DHRS3: variants seen among roughly 807,000 people sequenced by gnomAD.
DHRS3 encodes the protein dehydrogenase/reductase 3.
In DHRS3, 14 loss-of-function variants were observed where a neutral mutation model predicts 27.2. The observed-to-expected ratio is 0.52, with a 90% confidence interval of 0.34 to 0.81. DHRS3 has a LOEUF of 0.81. Among genes scored for constraint, DHRS3 ranks in the 30% least tolerant of loss-of-function variants. DHRS3 has a pLI of 0.01. For missense variants in DHRS3, 322 were observed against 406.2 expected, an observed-to-expected ratio of 0.79 and a Z score of 1.78; for synonymous variants, 165 against 175.9, an observed-to-expected ratio of 0.94 and a Z score of 0.49.
rs1646887228 is a variant in DHRS3, at chr1:12,608,693, C to T, written c.195+8461G>A. On this transcript the variant is annotated intron_variant, in intron 1 of 5. Coordinates refer to ENST00000616661, the MANE Select transcript of DHRS3 (RefSeq NM_004753.7). The surrounding 1 kb of genome is among the most constrained non-coding windows in gnomAD (Gnocchi z 4.1). The stretch of plus-strand genomic sequence containing the variant: ...TCCCCCAGTGCAGAAATCTCGACAC[C>T]ATGTTTGCTTAAAGAGCAACCTGTT... 6.6e-6 allele frequency among the ~76,000 whole-genome samples: 1 copy of T among 152,106 alleles called. No homozygotes were observed. Among genetic ancestry groups the T allele is most frequent in the African/African-American group, 2.4e-5 (1 of 41,422 alleles).
At chr1:12,568,959 A>C (rs2100634540) in intron 5 of DHRS3, among the ~76,000 whole-genome samples, 1 of 152,154 alleles carries the variant, frequency 6.6e-6, no homozygotes, top group Admixed American at 6.5e-5. Context: ...GTGGTGGCTC[A>C]TGCCTGTAAT....
chr1:12,612,066 AAGG>A (rs1467628673), intron 1 of DHRS3, among the ~76,000 whole-genome samples: 2 of 152,162 alleles, frequency 1.3e-5, no homozygotes, highest in African/African-American at 2.4e-5. Context: ...GGGGAGTAAG[AAGG>A]AGATGTTTGT....
chr1:12,586,891 CACTA>C lies in DHRS3; in HGVS notation c.196-6229_196-6226del, dbSNP rs1329911416. Among the ~76,000 whole-genome samples the C allele has an allele frequency of 3.0e-4, 45 of 152,248 alleles. No homozygotes were observed. The highest frequency in any genetic ancestry group is 4.9e-4 in the Non-Finnish European group (33 of 68,026). ...GATTAAGCTGGCAGAAGCTGGCACC[CACTA>C]ACTAACTGCTCAGTACCCACTCCCT... On this transcript the variant is annotated intron_variant, in intron 1 of 5. Coordinates refer to ENST00000616661, the MANE Select transcript of DHRS3 (RefSeq NM_004753.7). This position sits in a 1 kb window ranked among gnomAD's most constrained non-coding sequence, Gnocchi z 5.0.
chr1:12,570,286 G>A (rs1646524635), intron 5 of DHRS3, among the ~76,000 whole-genome samples: 1 of 152,246 alleles, frequency 6.6e-6, no homozygotes, highest in Non-Finnish European at 1.5e-5. Context: ...AAGCCCTGGT[G>A]TAGTCCCCAC....
chr1:12,575,930 C>T (rs1458666775), intron 4 of DHRS3, among the ~76,000 whole-genome samples: 1 of 152,116 alleles, frequency 6.6e-6, no homozygotes, highest in African/African-American at 2.4e-5. Flanking sequence ...TGGTCTTGAA[C>T]TCCTGACCTC....
At chr1:12,569,624 G>A (rs570623719) in intron 5 of DHRS3, among the ~76,000 whole-genome samples, 19 of 152,228 alleles carry the variant, frequency 1.2e-4, no homozygotes, top group Non-Finnish European at 2.5e-4. Context: ...GGAGTGCAGT[G>A]GTGCGATCTG....
At chr1:12,581,423 A>C (rs1646642822) in intron 1 of DHRS3, among the ~76,000 whole-genome samples, 1 of 152,186 alleles carries the variant, frequency 6.6e-6, no homozygotes, top group Non-Finnish European at 1.5e-5. Context: ...TCCAGCCTCA[A>C]GGTTCACAGG....
intron 1 of DHRS3, among the ~76,000 whole-genome samples, chr1:12,610,303 G>A (rs1398498295): frequency 6.6e-6 from 1 of 151,234 alleles, no homozygotes; most frequent in Non-Finnish European, 1.5e-5. Flanking sequence ...GTTGGGTCAA[G>A]CTGGTCTTGA....
rs1646500805 is a variant in DHRS3, at chr1:12,568,160, A to T, written c.*180T>A. 2 of 578,522 alleles carry T rather than the reference A, an allele frequency of 3.5e-6. No individual in the cohort carries two copies. The highest frequency in any genetic ancestry group is 3.1e-6 in the Non-Finnish European group (1 of 321,146). 35.8% of individuals were successfully genotyped at this position (578,522 alleles called of 1,614,324 possible). A position where few individuals can be genotyped will look rare whatever the true frequency, so the allele number is the denominator to read the frequency against. On this transcript the variant is annotated 3_prime_UTR_variant, in exon 6 of 6. Coordinates refer to ENST00000616661, the MANE Select transcript of DHRS3 (RefSeq NM_004753.7). ...CTGCCTCCCTGTGGGGGTCAGTTAT[A>T]CCCATCAGTCCTGTGCAAAGGTCCT...
chr1:12,569,239 A>T (rs1437725349), intron 5 of DHRS3, among the ~76,000 whole-genome samples: 36 of 144,252 alleles, frequency 2.5e-4, no homozygotes, highest in African/African-American at 8.2e-4. Context: ...TCTCACACAC[A>T]CACACACACA....
At chr1:12,607,548 T>C (rs1312543259) in intron 1 of DHRS3, among the ~76,000 whole-genome samples, 3 of 152,204 alleles carry the variant, frequency 2.0e-5, no homozygotes, top group Non-Finnish European at 4.4e-5. Flanking sequence ...TCTGCCATGA[T>C]GGTAAGTTTC....
At chr1:12,607,220 A>G (rs1332798627) in intron 1 of DHRS3, among the ~76,000 whole-genome samples, 1 of 152,142 alleles carries the variant, frequency 6.6e-6, no homozygotes, top group Non-Finnish European at 1.5e-5. Context: ...TTAGGCATCC[A>G]CTTTACAGTC....
rs892467585 is a variant in DHRS3, at chr1:12,591,676, C to T, written c.196-11010G>A. Among the ~76,000 whole-genome samples, 6 of 152,344 alleles carry T rather than the reference C, an allele frequency of 3.9e-5. No homozygotes were observed. The highest frequency in any genetic ancestry group is 1.3e-4 in the Admixed American group (2 of 15,308). ...CTGTCAGCTCAGAAGGGCTCATACC[C>T]GAGAAAACTGATACACGAAGGGGCT... On this transcript the variant is annotated intron_variant, in intron 1 of 5. Coordinates refer to ENST00000616661, the MANE Select transcript of DHRS3 (RefSeq NM_004753.7). The surrounding 1 kb of genome is among the most constrained non-coding windows in gnomAD (Gnocchi z 4.1).
rs113026130 is a variant in DHRS3, at chr1:12,610,244, ATT to A, written c.195+6908_195+6909del. Among the ~76,000 whole-genome samples, 773 of 142,482 alleles carry A rather than the reference ATT, an allele frequency of 5.4e-3. 4 individuals carry two copies. Among genetic ancestry groups the A allele is most frequent in the Non-Finnish European group, 7.2e-3 (473 of 65,480 alleles). 93.5% of individuals were successfully genotyped at this position (142,482 alleles called of 152,430 possible). On this transcript the variant is annotated intron_variant, in intron 1 of 5. Transcript: ENST00000616661. ...TAAGTGCGCTCTACCATGCCCAGCA[ATT>A]TTTTTTTTTTTTTTGTATTATTAGT...
intron 1 of DHRS3, among the ~76,000 whole-genome samples, chr1:12,585,954 T>C (rs1013378455): frequency 5.3e-5 from 8 of 152,216 alleles, no homozygotes; most frequent in African/African-American, 1.9e-4. Context: ...AATTTACTCT[T>C]AAGCAGGGTT....
In DHRS3 at chr1:12,617,408, T is replaced by TA; in HGVS notation, c.-61dup. 6.6e-7 allele frequency: 1 copy of TA among 1,512,674 alleles called. No homozygotes were observed. The highest frequency in any genetic ancestry group is 1.8e-4 in the Middle Eastern group (1 of 5,640). 93.7% of individuals were successfully genotyped at this position (1,512,674 alleles called of 1,614,324 possible). The stretch of plus-strand genomic sequence containing the variant: ...TCCCCGGGCCGAGCAATACAGGAAT[T>TA]AAAAAACACCCCGAACAATAAATAG... On this transcript the variant is annotated 5_prime_UTR_variant, in exon 1 of 6. Transcript: ENST00000616661.
rs570202042 is a variant in DHRS3 at position 12,593,506 on chromosome 1, C to T, written c.196-12840G>A. ...GGAGTGAGGTACCACACCTGGCCAC[C>T]TTCTCACAGGTTCTGCTCAAGTGTC... On this transcript the variant is annotated intron_variant, in intron 1 of 5. Coordinates refer to ENST00000616661, the MANE Select transcript of DHRS3 (RefSeq NM_004753.7). This position sits in a 1 kb window ranked among gnomAD's most constrained non-coding sequence, Gnocchi z 4.6. Among the ~76,000 whole-genome samples the T allele has an allele frequency of 6.6e-6, 1 of 152,126 alleles. No homozygotes were observed. The highest frequency in any genetic ancestry group is 1.5e-5 in the Non-Finnish European group (1 of 68,024).
At chr1:12,571,603 T>A (rs975726787) in intron 5 of DHRS3, among the ~76,000 whole-genome samples, 1 of 149,816 alleles carries the variant, frequency 6.7e-6, no homozygotes, top group Admixed American at 6.8e-5. Context: ...CGATCTCGGC[T>A]CACCTCAACC....
Position 12,579,326 on chromosome 1 carries a change from C to T in DHRS3, c.426G>A (p.Lys142=), listed in dbSNP as rs371104024. 3.7e-6 allele frequency: 6 copies of T among 1,614,182 alleles called. No individual in the cohort carries two copies. Among genetic ancestry groups the T allele is most frequent in the Non-Finnish European group, 4.2e-6 (5 of 1,180,034 alleles). The part of the protein sequence containing the change: ...LMDSDDDALL[K]SQHINTLGQF... ...GGCCCAGGGTGTTGATGTGTTGGGA[C>T]TTGAGGAGGGCATCATCATCACTGT... Residue 142 remains lysine (K), a synonymous_variant, in exon 3 of 6, where the codon AAG becomes AAA. Transcript: ENST00000616661.
Sources: gnomAD v4.1 joint callset for allele counts (sites outside exome capture counted in the v4.1 genomes callset) on GRCh38, gnomAD v4.1.1 for gene constraint, Gnocchi (gnomAD v3.1) non-coding constraint, MANE v1.5 for transcripts, NCBI Gene and HGNC (gene_info 2026-07-23, HGNC 2026-07-21) for gene names.